The following RELN variants were observed in gnomAD, a reference collection of about 807,000 sequenced individuals.
RELN encodes reelin.
Under a neutral mutation model 427.6 loss-of-function variants are expected in RELN, and 108 were observed. The ratio of observed to expected loss-of-function variants is 0.25; its 90% CI spans 0.22 to 0.30. The LOEUF is 0.30. Ranked by LOEUF, RELN falls within the 10% of genes least tolerant of loss-of-function variation. RELN has a pLI of 1.00. For synonymous variants in RELN, 1,524 were observed against 1,513.4 expected, an observed-to-expected ratio of 1.01 and a Z score of -0.16; for missense variants, 3,715 against 4,302.8, an observed-to-expected ratio of 0.86 and a Z score of 3.82.
intron 2 of RELN, among the ~76,000 whole-genome samples, chr7:103,870,169 T>C (rs1221456370): frequency 6.6e-6 from 1 of 152,118 alleles, no homozygotes; most frequent in Non-Finnish European, 1.5e-5. Context: ...TGAACATATA[T>C]TGCTTTAGTT....
chr7:103,717,019 T>A (rs1271994825), intron 8 of RELN, among the ~76,000 whole-genome samples: 1 of 152,194 alleles, frequency 6.6e-6, no homozygotes, highest in Non-Finnish European at 1.5e-5. Context: ...AATGAATTAC[T>A]GACATTTTTC....
In RELN at chr7:103,833,529, G is replaced by C; in HGVS notation, c.473+8C>G. ...TCTGTACGTATGGCAGACACTTTGG[G>C]TACTTACATGAAATTCACACAGCCT... On this transcript the variant is annotated splice_region_variant and intron_variant, in intron 3 of 64. Coordinates refer to ENST00000428762, the MANE Select transcript of RELN (RefSeq NM_005045.4). 4 of 1,613,528 alleles carry C rather than the reference G, an allele frequency of 2.5e-6. No individual in the cohort carries two copies. The highest frequency in any genetic ancestry group is 2.5e-6 in the Non-Finnish European group (3 of 1,179,502).
intron 50 of RELN, among the ~76,000 whole-genome samples, chr7:103,511,890 A>G (rs1478989047): frequency 1.3e-5 from 2 of 152,150 alleles, no homozygotes; most frequent in Non-Finnish European, 2.9e-5. Context: ...ATGACTCTGG[A>G]AATATGCACA....
intron 6 of RELN, among the ~76,000 whole-genome samples, chr7:103,743,756 C>A (rs1457646912): frequency 2.0e-5 from 3 of 152,076 alleles, no homozygotes; most frequent in Admixed American, 6.5e-5. Flanking sequence ...CACCCAGATT[C>A]ATAAAGCAAG....
chr7:103,792,517 C>A (rs1584496278), intron 3 of RELN, among the ~76,000 whole-genome samples: 1 of 109,572 alleles, frequency 9.1e-6, no homozygotes, highest in African/African-American at 3.7e-5. Context: ...CCAGAATAGG[C>A]AATTCTATAG....
chr7:103,615,973 T>C (rs1245804731), intron 20 of RELN, among the ~76,000 whole-genome samples: 2 of 152,170 alleles, frequency 1.3e-5, no homozygotes. Context: ...CCAAAGTAAG[T>C]GGTAGAATAC....
Position 103,872,030 on chromosome 7 carries a change from A to ATATATTTTT in RELN, c.338-38359_338-38358insAAAAATATA, listed in dbSNP as rs773045936. ...AGTATATGAATATATATATATATAT[A>ATATATTTTT]TTTTTCTTTTTTCTTTTTTTTCTTT... On this transcript the variant is annotated intron_variant, in intron 2 of 64. Coordinates refer to ENST00000428762, the MANE Select transcript of RELN (RefSeq NM_005045.4). Among the ~76,000 whole-genome samples the ATATATTTTT allele has an allele frequency of 1.1e-3, 154 of 138,446 alleles. 1 individual carries two copies. Among genetic ancestry groups the ATATATTTTT allele is most frequent in the South Asian group, 2.0e-3 (9 of 4,572 alleles). 90.8% of individuals were successfully genotyped at this position (138,446 alleles called of 152,430 possible).
chr7:103,955,621 T>G (rs907088991), intron 1 of RELN, among the ~76,000 whole-genome samples: 1 of 152,188 alleles, frequency 6.6e-6, no homozygotes, highest in Non-Finnish European at 1.5e-5. Flanking sequence ...CTATTAGATG[T>G]AGGATAGTGT....
At chr7:103,884,329 C>T (rs868728094) in intron 2 of RELN, among the ~76,000 whole-genome samples, 1 of 152,176 alleles carries the variant, frequency 6.6e-6, no homozygotes, top group Non-Finnish European at 1.5e-5. Flanking sequence ...CATAAAAACC[C>T]TAGAAGAAAA....
intron 1 of RELN, among the ~76,000 whole-genome samples, chr7:103,981,661 T>C (rs1796992431): frequency 6.6e-6 from 1 of 152,230 alleles, no homozygotes. Context: ...GTCCCGTCAT[T>C]ATTTCAGGGC....
intron 2 of RELN, among the ~76,000 whole-genome samples, chr7:103,865,937 G>C (rs115879737): frequency 1.3e-5 from 2 of 152,206 alleles, no homozygotes; most frequent in African/African-American, 4.8e-5. Context: ...TTATAGTTAA[G>C]GTACTTTGAT....
rs138247889 is a variant in RELN, at chr7:103,799,271, T to C, written c.474-22644A>G. Among the ~76,000 whole-genome samples, 205 of 152,216 alleles carry C rather than the reference T, an allele frequency of 1.3e-3. 1 individual carries two copies. The highest frequency in any genetic ancestry group is 4.8e-3 in the African/African-American group (198 of 41,534). Reference sequence around the variant, plus strand: ...AATCACACAGCTATGATAAAGATGGTCTCAAATAATGCATTATCTACCCCT... The same window carrying C: ...AATCACACAGCTATGATAAAGATGGCCTCAAATAATGCATTATCTACCCCT... On this transcript the variant is annotated intron_variant, in intron 3 of 64. Coordinates refer to ENST00000428762, the MANE Select transcript of RELN (RefSeq NM_005045.4).
chr7:103,807,879 A>G (rs1271385439), intron 3 of RELN, among the ~76,000 whole-genome samples: 1 of 152,104 alleles, frequency 6.6e-6, no homozygotes, highest in African/African-American at 2.4e-5. Flanking sequence ...CCTCTCTGCA[A>G]TTCTATGCAG....
In RELN at chr7:103,830,968, CTG is replaced by C. The variant is rs759404126; in HGVS notation, c.473+2567_473+2568del. Among the ~76,000 whole-genome samples, 372 of 152,190 alleles carry C rather than the reference CTG, an allele frequency of 2.4e-3. 1 individual carries two copies. The highest frequency in any genetic ancestry group is 4.0e-3 in the Non-Finnish European group (271 of 67,972). On this transcript the variant is annotated intron_variant, in intron 3 of 64. Transcript: ENST00000428762. The stretch of plus-strand genomic sequence containing the variant: ...TTGTAGTCAATAAAAACTGACGAAA[CTG>C]TATTTTTCCAACTAACTGCTAAGAA...
In RELN at chr7:103,796,899, GAAAGAA is replaced by G. The variant is rs1283654649; in HGVS notation, c.474-20278_474-20273del. The stretch of plus-strand genomic sequence containing the variant: ...ACAAAAAAAAAAAAAAAAAAAGAAA[GAAAGAA>G]AAAGAAAAAGAAAAAGAAAGTAAGG... On this transcript the variant is annotated intron_variant, in intron 3 of 64. Coordinates refer to ENST00000428762, the MANE Select transcript of RELN (RefSeq NM_005045.4). Among the ~76,000 whole-genome samples the G allele has an allele frequency of 3.9e-3, 447 of 114,014 alleles. 2 individuals carry two copies. Among genetic ancestry groups the G allele is most frequent in the Middle Eastern group, 0.019 (4 of 216 alleles). 74.8% of individuals were successfully genotyped at this position (114,014 alleles called of 152,430 possible). A position where few individuals can be genotyped will look rare whatever the true frequency, so the allele number is the denominator to read the frequency against.
intron 16 of RELN, among the ~76,000 whole-genome samples, chr7:103,642,906 T>C (rs1376683381): frequency 6.6e-6 from 1 of 152,114 alleles, no homozygotes; most frequent in Non-Finnish European, 1.5e-5. Flanking sequence ...CGCAAAATGT[T>C]CTACCAATGA....
chr7:103,873,965 C>T (rs1312854253), intron 2 of RELN, among the ~76,000 whole-genome samples: 1 of 142,514 alleles, frequency 7.0e-6, no homozygotes, highest in Non-Finnish European at 1.5e-5. Flanking sequence ...CAATAAAATA[C>T]TGGCAAACCG....
intron 20 of RELN, among the ~76,000 whole-genome samples, chr7:103,612,841 C>T (rs969920539): frequency 6.6e-6 from 1 of 152,122 alleles, no homozygotes; most frequent in African/African-American, 2.4e-5. Context: ...TAAGAGAAAA[C>T]TGCTCAGGAG....
In RELN at chr7:103,573,998, T is replaced by C. The variant is rs1016949135; in HGVS notation, c.4511+94A>G. 8.3e-6 allele frequency: 8 copies of C among 966,654 alleles called. No homozygotes were observed. The African/African-American group carries it at 1.3e-4, about 16-fold the overall frequency. 59.9% of individuals were successfully genotyped at this position (966,654 alleles called of 1,614,324 possible). The stretch of plus-strand genomic sequence containing the variant: ...CTATATACAGAAACATTATTGTATA[T>C]ATTCCCAATAACAGAACAGAATGTT... On this transcript the variant is annotated intron_variant, in intron 30 of 64. Coordinates refer to ENST00000428762, the MANE Select transcript of RELN (RefSeq NM_005045.4). The surrounding 1 kb of genome is among the most constrained non-coding windows in gnomAD (Gnocchi z 4.4).
Sources: allele counts gnomAD v4.1 joint callset (sites outside exome capture counted in the v4.1 genomes callset), GRCh38; gene constraint gnomAD v4.1.1; non-coding constraint Gnocchi (gnomAD v3.1); transcripts MANE v1.5; gene names NCBI Gene and HGNC (gene_info 2026-07-23, HGNC 2026-07-21).